Variants in HMBOX1 observed in about 807,000 individuals in gnomAD.
HMBOX1 encodes the protein homeobox-containing protein 1.
Under a neutral mutation model 54.5 loss-of-function variants are expected in HMBOX1, and 14 were observed. The observed-to-expected ratio is 0.26, with a 90% CI of 0.17 to 0.40. HMBOX1 has a LOEUF of 0.40. Ranked by LOEUF, HMBOX1 falls within the 10% of genes least tolerant of loss-of-function variation. HMBOX1 has a pLI of 1.00. For missense variants in HMBOX1, 332 were observed against 514.4 expected, an observed-to-expected ratio of 0.65 and a Z score of 3.43; for synonymous variants, 160 against 181.0, an observed-to-expected ratio of 0.88 and a Z score of 0.93.
intron 1 of HMBOX1, among the ~76,000 whole-genome samples, chr8:28,917,721 C>G (rs566293063): frequency 6.6e-6 from 1 of 152,218 alleles, no homozygotes; most frequent in South Asian, 2.1e-4. Flanking sequence ...GGTTCTATTT[C>G]TAGTTTGCTC....
At chr8:28,947,512 G>C (rs569882554) in intron 1 of HMBOX1, among the ~76,000 whole-genome samples, 4 of 152,142 alleles carry the variant, frequency 2.6e-5, no homozygotes, top group Admixed American at 2.6e-4. Context: ...GACTGATGAT[G>C]CATCAAAGCT....
At chr8:28,948,298 A>G (rs538206149) in intron 1 of HMBOX1, among the ~76,000 whole-genome samples, 18 of 152,088 alleles carry the variant, frequency 1.2e-4, no homozygotes, top group Admixed American at 3.3e-4. Flanking sequence ...TGTTTTGTTC[A>G]TTGCTGTATT....
chr8:29,034,555 GC>G (rs1803535034), intron 6 of HMBOX1, among the ~76,000 whole-genome samples: 2 of 152,138 alleles, frequency 1.3e-5, no homozygotes. Context: ...AATTAATTTG[GC>G]TTTTCAAGAG....
At chr8:29,025,627 C>G (rs1389394109) in intron 6 of HMBOX1, among the ~76,000 whole-genome samples, 2 of 152,132 alleles carry the variant, frequency 1.3e-5, no homozygotes, top group African/African-American at 4.8e-5. Flanking sequence ...CTCAAGATTT[C>G]TGTGTTAGAG....
rs537560207 is a variant in HMBOX1, at chr8:28,910,363, G to A, written c.-58+19685G>A. ...CAGATTGGAGGATATTTTTAAAAAT[G>A]CTTTTATGACATTTGCATGCAACTT... On this transcript the variant is annotated intron_variant, in intron 1 of 9. Coordinates refer to ENST00000287701, the MANE Select transcript of HMBOX1 (RefSeq NM_001135726.3). 1.2e-3 allele frequency among the ~76,000 whole-genome samples: 186 copies of A among 152,280 alleles called. 1 individual carries two copies. Among genetic ancestry groups the A allele is most frequent in the Middle Eastern group, 6.8e-3 (2 of 294 alleles).
intron 2 of HMBOX1, among the ~76,000 whole-genome samples, chr8:28,965,382 A>AT (rs749153201): frequency 1.3e-5 from 2 of 152,156 alleles, no homozygotes; most frequent in Non-Finnish European, 2.9e-5. Flanking sequence ...TACAAAGAGA[A>AT]TTTTTTCTTG....
At chr8:29,041,302 C>T (rs1804776837) in intron 6 of HMBOX1, among the ~76,000 whole-genome samples, 1 of 152,170 alleles carries the variant, frequency 6.6e-6, no homozygotes, top group African/African-American at 2.4e-5. Flanking sequence ...TTGCTAACCC[C>T]TTAGTACGTA....
intron 9 of HMBOX1, chr8:29,049,423 C>A: frequency 6.6e-7 from 1 of 1,524,630 alleles, no homozygotes; most frequent in Non-Finnish European, 8.8e-7. Flanking sequence ...GACACACACT[C>A]AGTGTTTGAG....
In HMBOX1 at chr8:28,913,925, C is replaced by T. The variant is rs542408144; in HGVS notation, c.-58+23247C>T. 5.4e-5 allele frequency among the ~76,000 whole-genome samples: 8 copies of T among 147,378 alleles called. No homozygotes were observed. The South Asian group carries it at 1.7e-3, about 31-fold the overall frequency. ...CACTCTTGTCACCCAGGCTGGAGTG[C>T]AGTGGCACAATCTCGGCTCACTGCA... On this transcript the variant is annotated intron_variant, in intron 1 of 9. Transcript: ENST00000287701.
At chr8:29,012,763 G>T (rs554436357) in intron 5 of HMBOX1, among the ~76,000 whole-genome samples, 25 of 152,242 alleles carry the variant, frequency 1.6e-4, no homozygotes, top group African/African-American at 5.8e-4. Context: ...CAGACCAAAA[G>T]AAATCAATCT....
At chr8:29,017,853 G>A (rs1800562523) in intron 5 of HMBOX1, among the ~76,000 whole-genome samples, 1 of 152,034 alleles carries the variant, frequency 6.6e-6, no homozygotes. Flanking sequence ...AATTCTATTA[G>A]GAAGAAATAA....
chr8:28,946,297 G>T (rs1480070825), intron 1 of HMBOX1, among the ~76,000 whole-genome samples: 1 of 151,954 alleles, frequency 6.6e-6, no homozygotes, highest in Non-Finnish European at 1.5e-5. Flanking sequence ...AGGCGTGGTG[G>T]GTGGCTCATG....
At chr8:28,936,582 A>G (rs1401856827) in intron 1 of HMBOX1, among the ~76,000 whole-genome samples, 2 of 152,070 alleles carry the variant, frequency 1.3e-5, no homozygotes, top group African/African-American at 4.8e-5. Context: ...GGTTCCCAAG[A>G]ACATATTAGA....
chr8:28,998,739 TTAAA>T (rs1169311815), intron 4 of HMBOX1, among the ~76,000 whole-genome samples: 2 of 152,138 alleles, frequency 1.3e-5, no homozygotes, highest in Non-Finnish European at 2.9e-5. Flanking sequence ...CTCTTTTGTG[TTAAA>T]TAGATTGTTT....
chr8:28,968,605 G>A (rs138831442), intron 2 of HMBOX1, among the ~76,000 whole-genome samples: 8 of 152,254 alleles, frequency 5.3e-5, no homozygotes, highest in African/African-American at 1.4e-4. Flanking sequence ...TGTGAAATTC[G>A]TACCCAGTTC....
intron 1 of HMBOX1, among the ~76,000 whole-genome samples, chr8:28,921,692 CAT>C (rs1817589111): frequency 6.6e-6 from 1 of 152,122 alleles, no homozygotes; most frequent in Non-Finnish European, 1.5e-5. Flanking sequence ...AAGTACAGAA[CAT>C]ATACCATAAA....
chr8:29,023,075 A>G (rs1355333384), intron 6 of HMBOX1, among the ~76,000 whole-genome samples: 1 of 152,202 alleles, frequency 6.6e-6, no homozygotes, highest in Non-Finnish European at 1.5e-5. Context: ...TTGGTATTAT[A>G]GATACTGCTA....
In HMBOX1 at chr8:29,045,443, G is replaced by C. The variant is rs1344343082; in HGVS notation, c.934G>C (p.Gly312Arg). 6.2e-7 allele frequency: 1 copy of C among 1,613,358 alleles called. No individual in the cohort carries two copies. Among genetic ancestry groups the C allele is most frequent in the Non-Finnish European group, 8.5e-7 (1 of 1,179,334 alleles). Residue 312 changes from glycine to arginine, a missense_variant and splice_region_variant, in exon 7 of 10, where the codon GGC becomes CGC. By Grantham distance (125) the Gly-to-Arg change is moderately radical. Transcript: ENST00000287701. ...NACNAVIQKP[G>R]KKLSDLERVT... is the part of the protein sequence containing the mutation. The stretch of plus-strand genomic sequence containing the variant: ...TTGCAATGCAGTTATACAGAAGCCA[G>C]GTAAGGTCGCAGGCACAGCCTTGCT...
At chr8:28,916,485 A>G (rs1316982602) in intron 1 of HMBOX1, among the ~76,000 whole-genome samples, 2 of 152,206 alleles carry the variant, frequency 1.3e-5, no homozygotes, top group Non-Finnish European at 2.9e-5. Context: ...TAATGCGTGT[A>G]GAAGATTTGA....
Sources: allele counts gnomAD v4.1 joint callset (sites outside exome capture counted in the v4.1 genomes callset), GRCh38; gene constraint gnomAD v4.1.1; transcripts MANE v1.5; gene names NCBI Gene and HGNC (gene_info 2026-07-23, HGNC 2026-07-21).